ACTN4: variants seen among roughly 807,000 people sequenced by gnomAD.
ACTN4 encodes alpha-actinin-4.
In ACTN4, 18 loss-of-function variants were observed where a neutral mutation model predicts 114.2. The observed-to-expected ratio is 0.16, with a 90% CI of 0.11 to 0.23. ACTN4 has a LOEUF of 0.23. Ranked by LOEUF, ACTN4 falls within the 10% of genes least tolerant of loss-of-function variation. The pLI is 1.00. For synonymous variants in ACTN4, 515 were observed against 506.3 expected (o/e 1.02, Z -0.23); for missense variants, 722 against 1,262.9 (o/e 0.57, Z 6.49).
At chr19:38,677,572 C>G (rs1168061250) in intron 1 of ACTN4, among the ~76,000 whole-genome samples, 1 of 151,930 alleles carries the variant, frequency 6.6e-6, no homozygotes, top group Admixed American at 6.6e-5. Context: ...CCGCCCAGGC[C>G]CCACTCACCC....
At chr19:38,674,181 G>A (rs1469027532) in intron 1 of ACTN4, among the ~76,000 whole-genome samples, 1 of 152,140 alleles carries the variant, frequency 6.6e-6, no homozygotes, top group Non-Finnish European at 1.5e-5. Context: ...TTTCCAAGAT[G>A]ATGACAGTGA....
rs573526087 is a variant in ACTN4 at position 38,652,827 on chromosome 19, T to G, written c.162+4920T>G. Among the ~76,000 whole-genome samples, 7 of 152,284 alleles carry G rather than the reference T, an allele frequency of 4.6e-5. No individual in the cohort carries two copies. In the East Asian group the frequency reaches 1.2e-3, roughly 25 times the overall value. ...ATGGCCGGGCGCAGTGGCTCGCGCC[T>G]GTAATCCCAGCACTTTGGGAGGCTG... On this transcript the variant is annotated intron_variant, in intron 1 of 20. Transcript: ENST00000252699.
At chr19:38,655,319 C>T (rs755335398) in intron 1 of ACTN4, among the ~76,000 whole-genome samples, 1 of 152,186 alleles carries the variant, frequency 6.6e-6, no homozygotes, top group Non-Finnish European at 1.5e-5. Flanking sequence ...TTGAGGCCTG[C>T]TCCCTTTGTT....
Position 38,679,226 on chromosome 19 carries a change from C to T in ACTN4, c.163-21374C>T, listed in dbSNP as rs1002067857. Among the ~76,000 whole-genome samples the T allele has an allele frequency of 1.6e-4, 25 of 152,294 alleles. 1 individual carries two copies. Among genetic ancestry groups the T allele is most frequent in the African/African-American group, 6.0e-4 (25 of 41,560 alleles). ...TCTTATTTCCCGAATACTTCTCAGC[C>T]CCACAAGTCCACTGAGTCTTCTGTC... On this transcript the variant is annotated intron_variant, in intron 1 of 20. Coordinates refer to ENST00000252699, the MANE Select transcript of ACTN4 (RefSeq NM_004924.6).
intron 1 of ACTN4, among the ~76,000 whole-genome samples, chr19:38,697,602 C>T (rs570457460): frequency 1.4e-4 from 22 of 152,366 alleles, no homozygotes; most frequent in African/African-American, 4.8e-4. Context: ...GTCTGTGCCC[C>T]TGCAGAGCCT....
At chr19:38,681,445 C>T (rs1406150202) in intron 1 of ACTN4, among the ~76,000 whole-genome samples, 1 of 152,222 alleles carries the variant, frequency 6.6e-6, no homozygotes, top group Non-Finnish European at 1.5e-5. Context: ...CTGAGCTCTT[C>T]AGTCTCTCCA....
At position 38,721,624 on chromosome 19, in the gene ACTN4, G is replaced by A. The variant is rs767795519; in HGVS notation, c.1378G>A (p.Glu460Lys). The stretch of plus-strand genomic sequence containing the variant: ...CCTCATTCGCAAGCACGAGGCCTTC[G>A]AGAGCGACCTGGCTGCGCACCAGGA... ...KALIRKHEAF[E>K]SDLAAHQDRV... Residue 460 changes from glutamate to lysine, a missense_variant, in exon 12 of 21, where the codon GAG (glutamate) becomes AAG (lysine). Coordinates refer to ENST00000252699, the MANE Select transcript of ACTN4 (RefSeq NM_004924.6). The A allele has an allele frequency of 4.3e-6, 7 of 1,614,042 alleles. No homozygotes were observed. Among genetic ancestry groups the A allele is most frequent in the Non-Finnish European group, 5.9e-6 (7 of 1,180,042 alleles).
At chr19:38,689,189 G>A (rs911458963) in intron 1 of ACTN4, among the ~76,000 whole-genome samples, 22 of 152,154 alleles carry the variant, frequency 1.4e-4, no homozygotes, top group Non-Finnish European at 2.1e-4. Context: ...ATGCCCATCA[G>A]CCAATGAATT....
At chr19:38,726,165 A>G (rs1339062554) in intron 17 of ACTN4, among the ~76,000 whole-genome samples, 1 of 151,990 alleles carries the variant, frequency 6.6e-6, no homozygotes, top group Non-Finnish European at 1.5e-5. Flanking sequence ...GTGCATGCCT[A>G]TAGTCCCAGC....
intron 8 of ACTN4, 31 bp from the exon 9 acceptor site, chr19:38,714,438 C>T (rs1163442496): frequency 1.2e-6 from 2 of 1,607,832 alleles, no homozygotes; most frequent in East Asian, 4.5e-5. Context: ...GGCCAGCCCC[C>T]AGGCAGCCCT....
intron 1 of ACTN4, among the ~76,000 whole-genome samples, chr19:38,685,858 C>T (rs1196051694): frequency 6.6e-6 from 1 of 152,164 alleles, no homozygotes; most frequent in African/African-American, 2.4e-5. Flanking sequence ...AAAGGATCAC[C>T]AAGCAGGAGT....
intron 1 of ACTN4, among the ~76,000 whole-genome samples, chr19:38,682,933 C>G (rs1207257031): frequency 6.6e-6 from 1 of 152,202 alleles, no homozygotes; most frequent in Non-Finnish European, 1.5e-5. Context: ...TCACATTACT[C>G]CGTGTTATGG....
Position 38,731,232 on chromosome 19 carries a change from A to AG in ACTN4, c.*1802dup. 6.2e-7 allele frequency: 1 copy of AG among 1,609,422 alleles called. No homozygotes were observed. The highest frequency in any genetic ancestry group is 8.5e-7 in the Non-Finnish European group (1 of 1,177,738). The stretch of plus-strand genomic sequence containing the variant: ...GTTGTTCAGGTGGAAGCCTAGGGGG[A>AG]GGCTGCTTCTGAGCCCAGTGGCCCA... On this transcript the variant is annotated 3_prime_UTR_variant, in exon 21 of 21. Coordinates refer to ENST00000252699, the MANE Select transcript of ACTN4 (RefSeq NM_004924.6).
At chr19:38,652,215 A>G (rs1976584477) in intron 1 of ACTN4, among the ~76,000 whole-genome samples, 1 of 152,122 alleles carries the variant, frequency 6.6e-6, no homozygotes, top group African/African-American at 2.4e-5. Flanking sequence ...ACTCAAACTC[A>G]ACTGTTATCT....
intron 1 of ACTN4, among the ~76,000 whole-genome samples, chr19:38,677,061 C>T (rs1311449835): frequency 6.6e-6 from 1 of 152,208 alleles, no homozygotes; most frequent in Non-Finnish European, 1.5e-5. Flanking sequence ...AGGGACTTCA[C>T]ACGGGGCCCT....
chr19:38,730,852 C>G lies in ACTN4; in HGVS notation c.*1420C>G. On this transcript the variant is annotated 3_prime_UTR_variant, in exon 21 of 21. Transcript: ENST00000252699. The stretch of plus-strand genomic sequence containing the variant: ...CAGCAGGTGCGCCCATCCGGAGATC[C>G]TAGGAGAAGGTGGCCACCTCCATCC... The G allele has an allele frequency of 1.3e-6, 2 of 1,551,150 alleles. No individual in the cohort carries two copies. The highest frequency in any genetic ancestry group is 1.7e-6 in the Non-Finnish European group (2 of 1,147,276).
At chr19:38,688,771 A>G (rs926798202) in intron 1 of ACTN4, among the ~76,000 whole-genome samples, 4 of 152,128 alleles carry the variant, frequency 2.6e-5, no homozygotes, top group African/African-American at 9.7e-5. Context: ...ACCACTGCAC[A>G]CCCACCATGA....
intron 1 of ACTN4, among the ~76,000 whole-genome samples, chr19:38,699,947 T>G (rs1288611884): frequency 6.6e-6 from 1 of 152,088 alleles, no homozygotes; most frequent in Non-Finnish European, 1.5e-5. Context: ...AAAGAGAGAC[T>G]CGAGGAAATC....
In ACTN4 at chr19:38,727,225, C is replaced by G; in HGVS notation, c.2337+122C>G. The G allele has an allele frequency of 7.0e-7, 1 of 1,424,104 alleles. No individual in the cohort carries two copies. The highest frequency in any genetic ancestry group is 9.7e-7 in the Non-Finnish European group (1 of 1,034,842). The allele number at this position is 1,424,104 out of a possible 1,614,324, so 88.2% of individuals were successfully genotyped here. A position where few individuals can be genotyped will look rare whatever the true frequency, so the allele number is the denominator to read the frequency against. On this transcript the variant is annotated intron_variant, in intron 18 of 20. Coordinates refer to ENST00000252699, the MANE Select transcript of ACTN4 (RefSeq NM_004924.6). This position sits in a 1 kb window ranked among gnomAD's most constrained non-coding sequence, Gnocchi z 5.4. ...GTTGCTGAGCGTCGGCCGCCACTCC[C>G]AGGGCCAGCAGGGCCCTGCCACTGT...
Sources: gnomAD v4.1 joint callset for allele counts (sites outside exome capture counted in the v4.1 genomes callset) on GRCh38, gnomAD v4.1.1 for gene constraint, Gnocchi (gnomAD v3.1) non-coding constraint, MANE v1.5 for transcripts, NCBI Gene and HGNC (gene_info 2026-07-23, HGNC 2026-07-21) for gene names.